CCDC198: variants seen among roughly 807,000 people sequenced by gnomAD.
CCDC198 encodes factor associated with metabolism and energy.
A neutral mutation model predicts 35.6 loss-of-function variants in CCDC198; 18 were observed. The observed-to-expected ratio is 0.51, with a 90% CI of 0.35 to 0.75. CCDC198 has a LOEUF of 0.75. CCDC198 is among the 30% of genes least tolerant of loss of function. The probability of loss-of-function intolerance (pLI) is 0.01; values close to 1 mark genes in which losing one functional copy is unlikely to be tolerated. For synonymous variants in CCDC198, 119 were observed against 113.4 expected, an observed-to-expected ratio of 1.05 and a Z score of -0.31; for missense variants, 365 against 343.7, an observed-to-expected ratio of 1.06 and a Z score of -0.49.
At chr14:57,481,520 AT>A (rs1268075124) in intron 4 of CCDC198, 38 bp downstream of exon 4, 1 of 1,384,542 alleles carries the variant, frequency 7.2e-7, no homozygotes, top group Admixed American at 1.7e-5. Context: ...TGATTATGTG[AT>A]GAAAATTTGG....
intron 2 of CCDC198, among the ~76,000 whole-genome samples, chr14:57,488,711 G>A (rs1464386874): frequency 6.6e-6 from 1 of 152,066 alleles, no homozygotes; most frequent in East Asian, 1.9e-4. Flanking sequence ...TAAAAAGTGG[G>A]CAAAGGACAT....
intron 2 of CCDC198, among the ~76,000 whole-genome samples, chr14:57,487,171 G>A (rs571927524): frequency 6.6e-5 from 10 of 152,278 alleles, no homozygotes; most frequent in Admixed American, 5.2e-4. Context: ...ACAATGGAAG[G>A]AACTACCAGA....
rs757448305 is a variant in CCDC198, at chr14:57,471,617, T to G, written c.656-27A>C. ...TACAAAAAAATTAAGTTTCTTTAAT[T>G]TTTTCCCTTAGCAATGATTTATTTG... On this transcript the variant is annotated intron_variant, in intron 5 of 5. Coordinates refer to ENST00000216445, the MANE Select transcript of CCDC198 (RefSeq NM_018168.4). 28 of 1,333,464 alleles carry G rather than the reference T, an allele frequency of 2.1e-5. No homozygotes were observed. In the South Asian group the frequency reaches 3.8e-4, roughly 18 times the overall value. The allele number at this position is 1,333,464 out of a possible 1,614,324, so 82.6% of individuals were successfully genotyped here. A position where few individuals can be genotyped will look rare whatever the true frequency, so the allele number is the denominator to read the frequency against.
At chr14:57,483,588 C>T (rs997127620) in intron 2 of CCDC198, among the ~76,000 whole-genome samples, 2 of 152,170 alleles carry the variant, frequency 1.3e-5, no homozygotes, top group African/African-American at 4.8e-5. Context: ...TCTAGAGAAG[C>T]TCCTTAGTAG....
At position 57,477,846 on chromosome 14, in the gene CCDC198, T is replaced by C. The variant is rs576885519; in HGVS notation, c.655+2749A>G. Among the ~76,000 whole-genome samples the C allele has an allele frequency of 5.3e-5, 8 of 152,230 alleles. 1 individual carries two copies. Among genetic ancestry groups the C allele is most frequent in the African/African-American group, 1.9e-4 (8 of 41,550 alleles). On this transcript the variant is annotated intron_variant, in intron 5 of 5. Coordinates refer to ENST00000216445, the MANE Select transcript of CCDC198 (RefSeq NM_018168.4). ...CCGAGTAGCTGGTATTACAGATGCCTGCCACTGTGCCCGACTAATTTTTGT... is the reference window on the plus strand; with the variant it reads ...CCGAGTAGCTGGTATTACAGATGCCCGCCACTGTGCCCGACTAATTTTTGT...
rs144233222 is a variant in CCDC198 at position 57,476,947 on chromosome 14, C to T, written c.655+3648G>A. 4.1e-3 allele frequency among the ~76,000 whole-genome samples: 617 copies of T among 152,326 alleles called. 5 individuals carry two copies. Among genetic ancestry groups the T allele is most frequent in the Non-Finnish European group, 6.1e-3 (418 of 68,040 alleles). On this transcript the variant is annotated intron_variant, in intron 5 of 5. Coordinates refer to ENST00000216445, the MANE Select transcript of CCDC198 (RefSeq NM_018168.4). Reference sequence around the variant, plus strand: ...AAGGAATCATCGCTAGGACAAATGCCGAGCACAGAGGTGAAGGCTGTCGCC... The same window carrying T: ...AAGGAATCATCGCTAGGACAAATGCTGAGCACAGAGGTGAAGGCTGTCGCC...
At chr14:57,479,137 A>T (rs1216601742) in intron 5 of CCDC198, 2 of 843,538 alleles carry the variant, frequency 2.4e-6, no homozygotes, top group East Asian at 1.3e-4. Context: ...ATCTGAGAGC[A>T]TAAACAATTT....
In CCDC198 at chr14:57,491,059, A is replaced by T; in HGVS notation, c.236T>A (p.Met79Lys). ...GTGTTCCAGTGGGATGTCAAAATACATGTCTCTGGATGCTTGAAGGATTGG... is the reference window on the plus strand; with the variant it reads ...GTGTTCCAGTGGGATGTCAAAATACTTGTCTCTGGATGCTTGAAGGATTGG... ...YGRYSTASRD[M>K]YFDIPLEHRE... is the part of the protein sequence containing the mutation. Residue 79 changes from methionine to lysine, a missense_variant, in exon 2 of 6, where the codon ATG (methionine) becomes AAG (lysine). By Grantham distance (95) the Met-to-Lys change is moderately conservative. Coordinates refer to ENST00000216445, the MANE Select transcript of CCDC198 (RefSeq NM_018168.4). The T allele has an allele frequency of 6.2e-7, 1 of 1,610,906 alleles. No homozygotes were observed. The highest frequency in any genetic ancestry group is 8.5e-7 in the Non-Finnish European group (1 of 1,178,034).
chr14:57,471,388 GATTC>G lies in CCDC198; in HGVS notation c.854_857del (p.Arg285ThrfsTer17). 1.2e-6 allele frequency: 2 copies of G among 1,613,258 alleles called. No homozygotes were observed. Among genetic ancestry groups the G allele is most frequent in the Non-Finnish European group, 1.7e-6 (2 of 1,179,722 alleles). On this transcript the variant is annotated frameshift_variant, in exon 6 of 6. Transcript: ENST00000216445. LOFTEE classifies it high-confidence loss of function. ...GATCAAAAAACTCATCGAAAAGTGG[GATTC>G]TCTCTGTCCTGGTCCTCACCAGTGC...
At chr14:57,490,460 T>C (rs2067524948) in intron 2 of CCDC198, among the ~76,000 whole-genome samples, 1 of 152,284 alleles carries the variant, frequency 6.6e-6, no homozygotes, top group Non-Finnish European at 1.5e-5. Context: ...AGAAATTACT[T>C]ATGCTGACAG....
intron 1 of CCDC198, among the ~76,000 whole-genome samples, chr14:57,492,451 G>A (rs911869529): frequency 2.6e-5 from 4 of 151,920 alleles, no homozygotes; most frequent in African/African-American, 9.7e-5. Context: ...TAGGAGCATT[G>A]CATACTCTTA....
Position 57,469,836 on chromosome 14 carries a change from T to C in CCDC198, c.*1519A>G, listed in dbSNP as rs972980495. The C allele has an allele frequency of 2.0e-5, 3 of 152,246 alleles. No individual in the cohort carries two copies. Among genetic ancestry groups the C allele is most frequent in the African/African-American group, 7.2e-5 (3 of 41,462 alleles). 9.4% of individuals were successfully genotyped at this position (152,246 alleles called of 1,614,324 possible). On this transcript the variant is annotated 3_prime_UTR_variant, in exon 6 of 6. Coordinates refer to ENST00000216445, the MANE Select transcript of CCDC198 (RefSeq NM_018168.4). ...GTTTCTGATGTGAATGCATTGAATGTCAAATTGAAGTGGTGTTTTCCTCTA... is the reference window on the plus strand; with the variant it reads ...GTTTCTGATGTGAATGCATTGAATGCCAAATTGAAGTGGTGTTTTCCTCTA...
chr14:57,487,354 T>C (rs2067400401), intron 2 of CCDC198, among the ~76,000 whole-genome samples: 1 of 152,134 alleles, frequency 6.6e-6, no homozygotes, highest in Non-Finnish European at 1.5e-5. Flanking sequence ...AGAGTGCTGA[T>C]ATGGGGGTTG....
chr14:57,478,922 A>C, intron 5 of CCDC198: 1 of 1,262,986 alleles, frequency 7.9e-7, no homozygotes, highest in South Asian at 1.3e-5. Context: ...GCTTTTCTGC[A>C]GCTCTCTCAG....
At position 57,470,173 on chromosome 14, in the gene CCDC198, G is replaced by A. The variant is rs570226553; in HGVS notation, c.*1182C>T. 1.1e-4 allele frequency: 16 copies of A among 152,098 alleles called. No homozygotes were observed. Among genetic ancestry groups the A allele is most frequent in the Admixed American group, 9.2e-4 (14 of 15,280 alleles). 9.4% of individuals were successfully genotyped at this position (152,098 alleles called of 1,614,324 possible). On this transcript the variant is annotated 3_prime_UTR_variant, in exon 6 of 6. Coordinates refer to ENST00000216445, the MANE Select transcript of CCDC198 (RefSeq NM_018168.4). ...TTTAATTCACAACGATCTTCTACAC[G>A]TGACATTATCTCACGTGTATCCTGT...
At chr14:57,481,472 T>A in intron 4 of CCDC198, 87 bp downstream of exon 4, 1 of 877,172 alleles carries the variant, frequency 1.1e-6, no homozygotes, top group Admixed American at 2.1e-5. Flanking sequence ...AAGTAAAGAC[T>A]GGCTATCTAT....
intron 5 of CCDC198, among the ~76,000 whole-genome samples, chr14:57,472,349 C>T (rs2066847837): frequency 6.6e-6 from 1 of 152,066 alleles, no homozygotes; most frequent in African/African-American, 2.4e-5. Flanking sequence ...TTTCATTTTT[C>T]CTAATGTAAT....
intron 5 of CCDC198, chr14:57,475,568 G>C (rs1413112560): frequency 2.2e-6 from 1 of 446,960 alleles, no homozygotes; most frequent in Non-Finnish European, 3.8e-6. Flanking sequence ...TTAGCTGGGC[G>C]TGGTGGCAGG....
chr14:57,493,643 T>C lies in CCDC198; in HGVS notation c.73A>G (p.Thr25Ala). 2 of 1,613,766 alleles carry C rather than the reference T, an allele frequency of 1.2e-6. No homozygotes were observed. Among genetic ancestry groups the C allele is most frequent in the South Asian group, 1.1e-5 (1 of 91,072 alleles). The stretch of plus-strand genomic sequence containing the variant: ...AAGTCCACACGGCCAGCCGAGGGAG[T>C]CTCTACCTCTTTGTTTTGCAAAGGT... ...VAPLQNKEVE[T>A]PSAGRVDFAF... is the part of the protein sequence containing the mutation. The change falls in exon 1 of 6, where the codon ACT becomes GCT. Residue 25 changes from threonine (T) to alanine (A), a missense_variant. By Grantham distance (58) the Thr-to-Ala change is moderately conservative (BLOSUM62 0). Transcript: ENST00000216445.
Sources: gnomAD v4.1 joint callset for allele counts (sites outside exome capture counted in the v4.1 genomes callset) on GRCh38, gnomAD v4.1.1 for gene constraint, MANE v1.5 for transcripts, NCBI Gene and HGNC (gene_info 2026-07-23, HGNC 2026-07-21) for gene names.